Variants in ATP6V1E1 observed in about 807,000 individuals in gnomAD.
ATP6V1E1 encodes the protein V-type proton ATPase subunit E 1.
Under a neutral mutation model 35.2 loss-of-function variants are expected in ATP6V1E1, and 21 were observed. That is an observed-to-expected ratio of 0.60 (90% CI 0.42 to 0.86). The LOEUF (loss-of-function observed/expected upper bound fraction) is 0.86. ATP6V1E1 is among the 40% of genes least tolerant of loss of function. The probability of loss-of-function intolerance (pLI) is 0.00; values close to 1 mark genes in which losing one functional copy is unlikely to be tolerated. For synonymous variants in ATP6V1E1, 83 were observed against 87.8 expected, an observed-to-expected ratio of 0.95 and a Z score of 0.30; for missense variants, 183 against 272.6, an observed-to-expected ratio of 0.67 and a Z score of 2.32.
At chr22:17,622,716 A>G (rs897009479) in intron 1 of ATP6V1E1, among the ~76,000 whole-genome samples, 9 of 152,212 alleles carry the variant, frequency 5.9e-5, no homozygotes, top group Admixed American at 2.0e-4. Flanking sequence ...CTGTAATCCC[A>G]AGACCCTGGG....
chr22:17,614,247 G>T (rs1244599234), intron 2 of ATP6V1E1, among the ~76,000 whole-genome samples: 2 of 151,954 alleles, frequency 1.3e-5, no homozygotes, highest in Non-Finnish European at 2.9e-5. Context: ...CTAGTCGGAA[G>T]GCTGAGGGAG....
At chr22:17,618,430 C>A (rs2057857301) in intron 2 of ATP6V1E1, among the ~76,000 whole-genome samples, 1 of 151,944 alleles carries the variant, frequency 6.6e-6, no homozygotes, top group African/African-American at 2.4e-5. Context: ...TGCCTGTAAT[C>A]CCAGCACTTT....
At position 17,627,644 on chromosome 22, in the gene ATP6V1E1, C is replaced by T. The variant is rs913682996; in HGVS notation, c.33+959G>A. Among the ~76,000 whole-genome samples, 122 of 150,540 alleles carry T rather than the reference C, an allele frequency of 8.1e-4. 1 individual carries two copies. Among genetic ancestry groups the T allele is most frequent in the Admixed American group, 7.9e-3 (119 of 15,104 alleles). On this transcript the variant is annotated intron_variant, in intron 1 of 8. Coordinates refer to ENST00000253413, the MANE Select transcript of ATP6V1E1 (RefSeq NM_001696.4). ...GACCAGCCAGGCCAATATGGTGAGA[C>T]CCTGCCTCTACTAAAAAAAATACAA...
At chr22:17,624,089 A>G (rs2057891606) in intron 1 of ATP6V1E1, among the ~76,000 whole-genome samples, 1 of 152,214 alleles carries the variant, frequency 6.6e-6, no homozygotes, top group Non-Finnish European at 1.5e-5. Flanking sequence ...AAATATTTTC[A>G]TGCAATGGAG....
intron 1 of ATP6V1E1, among the ~76,000 whole-genome samples, chr22:17,624,754 G>C (rs1213616140): frequency 6.6e-6 from 1 of 152,046 alleles, no homozygotes; most frequent in Non-Finnish European, 1.5e-5. Flanking sequence ...CCAGGAGGCA[G>C]AGGTTGCAGC....
chr22:17,620,394 G>A (rs908414132), intron 1 of ATP6V1E1, among the ~76,000 whole-genome samples: 8 of 151,806 alleles, frequency 5.3e-5, no homozygotes, highest in South Asian at 2.1e-4. Context: ...TGATCCGCCC[G>A]CCTCAGCCTC....
chr22:17,604,642 C>A (rs919565008), intron 4 of ATP6V1E1, among the ~76,000 whole-genome samples: 1 of 151,940 alleles, frequency 6.6e-6, no homozygotes, highest in African/African-American at 2.4e-5. Context: ...GCCTCAGCCT[C>A]CTGAGTAGCT....
At chr22:17,616,505 C>T (rs1392007550) in intron 2 of ATP6V1E1, among the ~76,000 whole-genome samples, 1 of 151,836 alleles carries the variant, frequency 6.6e-6, no homozygotes. Context: ...ACAGTAAAAC[C>T]CCATCTCTAC....
At chr22:17,618,896 A>G in intron 2 of ATP6V1E1, 1 of 422,798 alleles carries the variant, frequency 2.4e-6, no homozygotes, top group South Asian at 1.7e-5. Flanking sequence ...GCTACTTGGG[A>G]GGCTGAGGCA....
rs548242139 is a variant in ATP6V1E1 at position 17,611,291 on chromosome 22, A to C, written c.276+1521T>G. ...ATTTTGCAGGCAACATTTCCCCAGG[A>C]AACTCTTGACTCTTTCTTTTGTATT... is the stretch of plus-strand genomic sequence containing the variant. On this transcript the variant is annotated intron_variant, in intron 4 of 8. Coordinates refer to ENST00000253413, the MANE Select transcript of ATP6V1E1 (RefSeq NM_001696.4). Among the ~76,000 whole-genome samples the C allele has an allele frequency of 7.2e-5, 11 of 152,364 alleles. No individual in the cohort carries two copies. In the East Asian group the frequency reaches 1.9e-3, roughly 27 times the overall value.
chr22:17,601,827 T>G (rs1469648672), intron 4 of ATP6V1E1, among the ~76,000 whole-genome samples: 2 of 152,198 alleles, frequency 1.3e-5, no homozygotes, highest in Non-Finnish European at 2.9e-5. Flanking sequence ...GGCTCGTCTC[T>G]AACTCCTGAC....
Position 17,619,358 on chromosome 22 carries a change from C to A in ATP6V1E1, c.99+103G>T, listed in dbSNP as rs753122106. 12 of 1,025,050 alleles carry A rather than the reference C, an allele frequency of 1.2e-5. No individual in the cohort carries two copies. In the Admixed American group the frequency reaches 2.5e-4, roughly 21 times the overall value. 63.5% of individuals were successfully genotyped at this position (1,025,050 alleles called of 1,614,324 possible). A position where few individuals can be genotyped will look rare whatever the true frequency, so the allele number is the denominator to read the frequency against. On this transcript the variant is annotated intron_variant, in intron 2 of 8. Coordinates refer to ENST00000253413, the MANE Select transcript of ATP6V1E1 (RefSeq NM_001696.4). Reference sequence around the variant, plus strand: ...GAAGGAAGAGACATTTTTATCAGTCCGATGCAATCTGTTGTTAAGCAGTTT... The same window carrying A: ...GAAGGAAGAGACATTTTTATCAGTCAGATGCAATCTGTTGTTAAGCAGTTT...
At chr22:17,604,542 C>A (rs568846000) in intron 4 of ATP6V1E1, among the ~76,000 whole-genome samples, 1 of 84,058 alleles carries the variant, frequency 1.2e-5, no homozygotes, top group East Asian at 2.7e-4. Context: ...TTTTTTGAGA[C>A]GGAGTCTCGC....
At chr22:17,596,301 TAGG>T (rs773128373) in intron 7 of ATP6V1E1, among the ~76,000 whole-genome samples, 2 of 151,994 alleles carry the variant, frequency 1.3e-5, no homozygotes, top group South Asian at 4.1e-4. Flanking sequence ...TGGAGCATAG[TAGG>T]AGGTGTTCAG....
rs763258910 is a variant in ATP6V1E1, at chr22:17,612,591, G to A, written c.276+221C>T. 3.6e-5 allele frequency: 18 copies of A among 494,474 alleles called. No homozygotes were observed. The Admixed American group carries it at 7.1e-4, about 19-fold the overall frequency. The allele number at this position is 494,474 out of a possible 1,614,324, so 30.6% of individuals were successfully genotyped here. A position where few individuals can be genotyped will look rare whatever the true frequency, so the allele number is the denominator to read the frequency against. On this transcript the variant is annotated intron_variant, in intron 4 of 8. Transcript: ENST00000253413. ...TACTACTGTGCGGTCCACCCATAGT[G>A]TGTGCTATAATCCAGGAGAGTCTTA...
At chr22:17,606,024 A>T (rs1171186878) in intron 4 of ATP6V1E1, among the ~76,000 whole-genome samples, 3 of 152,046 alleles carry the variant, frequency 2.0e-5, no homozygotes, top group Admixed American at 2.0e-4. Flanking sequence ...AAATCTGCCT[A>T]CTGAGCAGCT....
chr22:17,618,401 G>A (rs1372947777), intron 2 of ATP6V1E1, among the ~76,000 whole-genome samples: 1 of 152,092 alleles, frequency 6.6e-6, no homozygotes, highest in African/African-American at 2.4e-5. Context: ...AGTAAATAAA[G>A]GCCGGGTGTG....
At chr22:17,604,537 T>TTTTTTTTA (rs1170412440) in intron 4 of ATP6V1E1, among the ~76,000 whole-genome samples, 5 of 151,874 alleles carry the variant, frequency 3.3e-5, no homozygotes, top group Admixed American at 1.3e-4. Context: ...TTTTTTTTTT[T>TTTTTTTTA]GAGACGGAGT....
rs2057941505 is a variant in ATP6V1E1 at position 17,628,729 on chromosome 22, T to G, written c.-94A>C. On this transcript the variant is annotated 5_prime_UTR_variant, in exon 1 of 9. Coordinates refer to ENST00000253413, the MANE Select transcript of ATP6V1E1 (RefSeq NM_001696.4). ...TCGGCAAAGGGAACCCCTGCGCAGATCTCGGGTTCCTTTACTTTATAACCG... is the reference window on the plus strand; with the variant it reads ...TCGGCAAAGGGAACCCCTGCGCAGAGCTCGGGTTCCTTTACTTTATAACCG... 7.1e-6 allele frequency: 11 copies of G among 1,551,998 alleles called. No individual in the cohort carries two copies. The highest frequency in any genetic ancestry group is 1.7e-5 in the Admixed American group (1 of 59,834).
Sources: allele counts gnomAD v4.1 joint callset (sites outside exome capture counted in the v4.1 genomes callset), GRCh38; gene constraint gnomAD v4.1.1; transcripts MANE v1.5; gene names NCBI Gene and HGNC (gene_info 2026-07-23, HGNC 2026-07-21).